The following DLG1 variants were observed in gnomAD, a reference collection of about 807,000 sequenced individuals.
DLG1 encodes discs large MAGUK scaffold protein 1.
Under a neutral mutation model 123.4 loss-of-function variants are expected in DLG1, and 42 were observed. That is an observed-to-expected ratio of 0.34 (90% CI 0.27 to 0.44). DLG1 has a LOEUF of 0.44. Ranked by LOEUF, DLG1 falls within the 20% of genes least tolerant of loss-of-function variation. The pLI is 1.00. For synonymous variants in DLG1, 317 were observed against 356.2 expected (o/e 0.89, Z 1.24); for missense variants, 942 against 1,082.6 (o/e 0.87, Z 1.82).
At chr3:197,201,254 G>A (rs373511114) in intron 4 of DLG1, among the ~76,000 whole-genome samples, 1 of 152,172 alleles carries the variant, frequency 6.6e-6, no homozygotes, top group East Asian at 1.9e-4. Flanking sequence ...CATGGTGGCA[G>A]GCGTCTGTAG....
chr3:197,189,911 GGTAAGTCTTA>G (rs2150214458), intron 5 of DLG1, among the ~76,000 whole-genome samples: 1 of 152,286 alleles, frequency 6.6e-6, no homozygotes, highest in Admixed American at 6.5e-5. Context: ...ATGTGGAAAA[GGTAAGTCTTA>G]GAACTGATGA....
rs539526052 is a variant in DLG1, at chr3:197,242,651, C to T, written c.318+40028G>A. 6.6e-5 allele frequency among the ~76,000 whole-genome samples: 10 copies of T among 151,744 alleles called. No individual in the cohort carries two copies. In the East Asian group the frequency reaches 1.2e-3, roughly 18 times the overall value. ...AAAAGAACCTCAAGAACTTCAAAAA[C>T]GTATGGAAATTAGACAACATGCTCC... On this transcript the variant is annotated intron_variant, in intron 4 of 24. Transcript: ENST00000667157.
At chr3:197,068,560 A>G (rs753328863) in intron 19 of DLG1, 2 of 1,529,478 alleles carry the variant, frequency 1.3e-6, no homozygotes, top group Non-Finnish European at 1.8e-6. Flanking sequence ...ACAGCAGTAA[A>G]AAAAGAAAGT....
chr3:197,086,002 C>T (rs987770932), intron 15 of DLG1, among the ~76,000 whole-genome samples: 2 of 151,672 alleles, frequency 1.3e-5, no homozygotes, highest in Non-Finnish European at 2.9e-5. Flanking sequence ...TAAAAACGCT[C>T]TTGGATTGTA....
At chr3:197,296,530 T>C in intron 2 of DLG1, 53 bp from the exon 3 acceptor site, 1 of 1,545,276 alleles carries the variant, frequency 6.5e-7, no homozygotes, top group South Asian at 1.1e-5. Context: ...AAAAAAAGTA[T>C]CACATACTAG....
At chr3:197,162,687 C>T (rs960227023) in intron 5 of DLG1, among the ~76,000 whole-genome samples, 53 of 152,058 alleles carry the variant, frequency 3.5e-4, no homozygotes, top group African/African-American at 1.3e-3. Flanking sequence ...CTATAGACCC[C>T]CATCTCACAT....
chr3:197,266,908 T>C lies in DLG1; in HGVS notation c.318+15771A>G, dbSNP rs142771889. Among the ~76,000 whole-genome samples the C allele has an allele frequency of 6.1e-3, 928 of 152,168 alleles. 8 individuals are homozygous for C. Among genetic ancestry groups the C allele is most frequent in the African/African-American group, 0.021 (890 of 41,508 alleles). On this transcript the variant is annotated intron_variant, in intron 4 of 24. Coordinates refer to ENST00000667157, the MANE Select transcript of DLG1 (RefSeq NM_001366207.1). ...AGAGAAAAAATATTTGCAGAAATAA[T>C]TGGTGAAAAACGTCTAAAGTAGGTA...
At chr3:197,158,884 G>A (rs1385002960) in intron 5 of DLG1, among the ~76,000 whole-genome samples, 2 of 152,050 alleles carry the variant, frequency 1.3e-5, no homozygotes, top group African/African-American at 2.4e-5. Flanking sequence ...TTAATTACAT[G>A]ATAGCTTTTC....
At chr3:197,290,513 G>GGA (rs1315830110) in intron 3 of DLG1, among the ~76,000 whole-genome samples, 3 of 152,268 alleles carry the variant, frequency 2.0e-5, no homozygotes, top group African/African-American at 7.2e-5. Flanking sequence ...AGATGACTCT[G>GGA]TGTACCTCTG....
chr3:197,268,587 ATT>A (rs1054760162), intron 4 of DLG1, among the ~76,000 whole-genome samples: 1 of 146,040 alleles, frequency 6.8e-6, no homozygotes, highest in African/African-American at 2.5e-5. Context: ...ACCACGCCTA[ATT>A]TTTTTTTTTT....
intron 4 of DLG1, among the ~76,000 whole-genome samples, chr3:197,280,642 TAAAC>T (rs1156317746): frequency 1.3e-5 from 2 of 152,214 alleles, no homozygotes; most frequent in South Asian, 2.1e-4. Context: ...TTACATTACT[TAAAC>T]AATCGCCTAT....
At chr3:197,098,539 TAG>T (rs1299848518) in intron 14 of DLG1, among the ~76,000 whole-genome samples, 1 of 152,316 alleles carries the variant, frequency 6.6e-6, no homozygotes, top group East Asian at 1.9e-4. Context: ...AGTCTTTGCT[TAG>T]AGTCTTCCCA....
intron 14 of DLG1, among the ~76,000 whole-genome samples, chr3:197,102,092 T>TA (rs1164549494): frequency 6.6e-5 from 10 of 152,168 alleles, no homozygotes; most frequent in Non-Finnish European, 4.4e-5. Context: ...AGATTAACAG[T>TA]AAAGGCCCCC....
chr3:197,243,356 G>T (rs1246385431), intron 4 of DLG1, among the ~76,000 whole-genome samples: 1 of 152,236 alleles, frequency 6.6e-6, no homozygotes, highest in Middle Eastern at 3.4e-3. Flanking sequence ...GGAAAAGGGG[G>T]GTGAAACCCT....
chr3:197,277,199 C>A, intron 4 of DLG1, among the ~76,000 whole-genome samples: 1 of 151,474 alleles, frequency 6.6e-6, no homozygotes, highest in East Asian at 1.9e-4. Flanking sequence ...GCCCCAAAAT[C>A]TTACTTTTAT....
intron 14 of DLG1, among the ~76,000 whole-genome samples, chr3:197,099,587 A>G (rs1350162457): frequency 6.6e-6 from 1 of 152,178 alleles, no homozygotes; most frequent in Admixed American, 6.5e-5. Flanking sequence ...AAGGAGAGAT[A>G]TTTAAAAGCT....
At chr3:197,094,167 T>C (rs1033537288) in intron 14 of DLG1, among the ~76,000 whole-genome samples, 3 of 152,124 alleles carry the variant, frequency 2.0e-5, no homozygotes, top group African/African-American at 7.2e-5. Context: ...AAGCAGCTCA[T>C]TTGCCACCTA....
At chr3:197,267,998 C>T (rs563757476) in intron 4 of DLG1, among the ~76,000 whole-genome samples, 80 of 152,230 alleles carry the variant, frequency 5.3e-4, no homozygotes, top group African/African-American at 1.9e-3. Flanking sequence ...AAGAGCATAA[C>T]AGAGCTGTTA....
In DLG1 at chr3:197,043,605, C is replaced by T. The variant is rs1721308396; in HGVS notation, c.*1018G>A. 6.6e-6 allele frequency: 1 copy of T among 151,024 alleles called. No homozygotes were observed. Among genetic ancestry groups the T allele is most frequent in the Admixed American group, 6.6e-5 (1 of 15,144 alleles). 9.4% of individuals were successfully genotyped at this position (151,024 alleles called of 1,614,324 possible). On this transcript the variant is annotated 3_prime_UTR_variant, in exon 25 of 25. Transcript: ENST00000667157. ...TATATATGTTTGTGTGTGTGCGCAA[C>T]TATGTAAAGAAAATAATTCCCATAG...
Sources: gnomAD v4.1 joint callset for allele counts (sites outside exome capture counted in the v4.1 genomes callset) on GRCh38, gnomAD v4.1.1 for gene constraint, MANE v1.5 for transcripts, NCBI Gene and HGNC (gene_info 2026-07-23, HGNC 2026-07-21) for gene names.